Variants in LIN7A observed in about 807,000 individuals in gnomAD.
LIN7A encodes the protein lin-7 cell polarity scaffold A.
In LIN7A, 25 loss-of-function variants were observed where a neutral mutation model predicts 29.8. The observed-to-expected ratio is 0.84, with a 90% confidence interval of 0.61 to 1.17. LIN7A has a LOEUF of 1.17. LIN7A is among the 50% of genes most tolerant of loss of function. LIN7A has a pLI of 0.00. For missense variants in LIN7A, 239 were observed against 287.0 expected (o/e 0.83, Z 1.21); for synonymous variants, 118 against 107.5 (o/e 1.10, Z -0.60).
chr12:80,921,922 A>G (rs927019050), intron 1 of LIN7A, among the ~76,000 whole-genome samples: 10 of 152,226 alleles, frequency 6.6e-5, no homozygotes, highest in African/African-American at 2.4e-4. Context: ...GAGAAGCCAG[A>G]AGGATGCAAA....
chr12:80,847,951 A>G, intron 3 of LIN7A: 1 of 442,460 alleles, frequency 2.3e-6, no homozygotes. Context: ...GATCAGAAGA[A>G]TGTGTCTGAA....
chr12:80,834,301 CT>C (rs1484821814), intron 4 of LIN7A, among the ~76,000 whole-genome samples: 1 of 152,034 alleles, frequency 6.6e-6, no homozygotes, highest in East Asian at 1.9e-4. Flanking sequence ...AAGTCTTATG[CT>C]TTGGTTCTTA....
intron 4 of LIN7A, among the ~76,000 whole-genome samples, chr12:80,828,559 T>C (rs185383059): frequency 6.6e-6 from 1 of 152,270 alleles, no homozygotes; most frequent in East Asian, 1.9e-4. Flanking sequence ...TATCAGGTAC[T>C]GTTTCAAGGG....
chr12:80,853,478 C>T (rs1318694218), intron 2 of LIN7A, among the ~76,000 whole-genome samples: 2 of 151,916 alleles, frequency 1.3e-5, no homozygotes, highest in African/African-American at 2.4e-5. Flanking sequence ...AAAAAGTAAA[C>T]AACACAGTTA....
chr12:80,841,373 A>G (rs1467042589), intron 4 of LIN7A, among the ~76,000 whole-genome samples: 1 of 147,532 alleles, frequency 6.8e-6, no homozygotes. Flanking sequence ...GGAAGGAAGG[A>G]AGGAAGGAAG....
intron 3 of LIN7A, among the ~76,000 whole-genome samples, chr12:80,846,810 C>T (rs1263870762): frequency 6.6e-6 from 1 of 152,160 alleles, no homozygotes; most frequent in African/African-American, 2.4e-5. Flanking sequence ...TTCCCACTAA[C>T]CCCATAGAAA....
chr12:80,884,194 C>T (rs1875211964), intron 2 of LIN7A, among the ~76,000 whole-genome samples: 1 of 152,108 alleles, frequency 6.6e-6, no homozygotes, highest in Non-Finnish European at 1.5e-5. Context: ...AAAGATGTAT[C>T]ACAGTTTATA....
chr12:80,897,269 A>G (rs1875955865), intron 1 of LIN7A, among the ~76,000 whole-genome samples: 1 of 150,754 alleles, frequency 6.6e-6, no homozygotes, highest in Non-Finnish European at 1.5e-5. Context: ...CTGTATTTTT[A>G]CCTCACTTTT....
chr12:80,897,151 C>A (rs1394642742), intron 1 of LIN7A, among the ~76,000 whole-genome samples: 1 of 151,844 alleles, frequency 6.6e-6, no homozygotes, highest in African/African-American at 2.4e-5. Flanking sequence ...CCTACTACTA[C>A]CCGAGACATC....
rs140161027 is a variant in LIN7A at position 80,933,447 on chromosome 12, C to G, written c.82+4194G>C. On this transcript the variant is annotated intron_variant, in intron 1 of 5. Transcript: ENST00000552864. ...ATCTTATTAATCTAATACACCAAAA[C>G]GTAGTTTAAATTTTGCTTTCTCAGT... 1.6e-3 allele frequency among the ~76,000 whole-genome samples: 251 copies of G among 152,248 alleles called. 1 individual carries two copies. Among genetic ancestry groups the G allele is most frequent in the African/African-American group, 5.5e-3 (227 of 41,538 alleles).
chr12:80,901,079 T>A (rs1876188030), intron 1 of LIN7A, among the ~76,000 whole-genome samples: 1 of 152,146 alleles, frequency 6.6e-6, no homozygotes, highest in Non-Finnish European at 1.5e-5. Context: ...GCAGACAAAC[T>A]TTTTTAGAAA....
chr12:80,846,054 C>T, intron 3 of LIN7A, 115 bp from the exon 4 acceptor site: 2 of 866,462 alleles, frequency 2.3e-6, no homozygotes, highest in South Asian at 2.3e-5. Flanking sequence ...TAGTATTCTC[C>T]TGTGAAAGAA....
intron 1 of LIN7A, among the ~76,000 whole-genome samples, chr12:80,923,706 C>G (rs898105797): frequency 9.2e-5 from 14 of 152,230 alleles, no homozygotes; most frequent in Admixed American, 3.3e-4. Flanking sequence ...CTCAATTGTT[C>G]CTTGCAAGTT....
rs1555221364 is a variant in LIN7A, at chr12:80,807,077, T to TTTTTTTTTTGTTG, written c.*4387_*4388insCAACAAAAAAAAA. Among the ~76,000 whole-genome samples, 18 of 115,538 alleles carry TTTTTTTTTTGTTG rather than the reference T, an allele frequency of 1.6e-4. 4 individuals carry two copies. Among genetic ancestry groups the TTTTTTTTTTGTTG allele is most frequent in the African/African-American group, 5.8e-4 (18 of 30,796 alleles). The allele number at this position is 115,538 out of a possible 152,430, so 75.8% of individuals were successfully genotyped here. A position where few individuals can be genotyped will look rare whatever the true frequency, so the allele number is the denominator to read the frequency against. On this transcript the variant is annotated intron_variant, in intron 5 of 5. Transcript: ENST00000552864. The stretch of plus-strand genomic sequence containing the variant: ...ATGAAGATGGAGTTTTTTTTTTTTT[T>TTTTTTTTTTGTTG]TTTTTTTTTTTTTTGACGGAGTCTC...
At chr12:80,824,099 C>A (rs545436944) in intron 4 of LIN7A, among the ~76,000 whole-genome samples, 53 of 151,994 alleles carry the variant, frequency 3.5e-4, no homozygotes, top group African/African-American at 1.3e-3. Context: ...TTTGAAAAGA[C>A]AAATAAAATT....
intron 2 of LIN7A, among the ~76,000 whole-genome samples, chr12:80,882,576 G>A (rs1278291214): frequency 6.6e-6 from 1 of 152,080 alleles, no homozygotes; most frequent in South Asian, 2.1e-4. Context: ...GAGCCACCGC[G>A]CCCGGCCTTT....
At chr12:80,916,363 C>T (rs1396221627) in intron 1 of LIN7A, among the ~76,000 whole-genome samples, 1 of 152,256 alleles carries the variant, frequency 6.6e-6, no homozygotes, top group East Asian at 1.9e-4. Context: ...CTCTTTCTCT[C>T]TCTCTCTGTT....
intron 5 of LIN7A, among the ~76,000 whole-genome samples, chr12:80,807,062 A>ATTTTTTTTTTTTTTT (rs139187307): frequency 3.1e-5 from 1 of 32,284 alleles, no homozygotes; most frequent in Non-Finnish European, 5.4e-5. Flanking sequence ...ATGAAGATGG[A>ATTTTTTTTTTTTTTT]GTTTTTTTTT....
chr12:80,889,447 G>A (rs1875513354), intron 1 of LIN7A, 78 bp from the exon 2 acceptor site: 2 of 872,944 alleles, frequency 2.3e-6, no homozygotes, highest in South Asian at 1.5e-5. Context: ...TATTCCAGTT[G>A]GATGATGACA....
Sources: gnomAD v4.1 joint callset for allele counts (sites outside exome capture counted in the v4.1 genomes callset) on GRCh38, gnomAD v4.1.1 for gene constraint, MANE v1.5 for transcripts, NCBI Gene and HGNC (gene_info 2026-07-23, HGNC 2026-07-21) for gene names.